SLC35F3: variants seen among roughly 807,000 people sequenced by gnomAD.
SLC35F3 encodes solute carrier family 35 member F3.
In SLC35F3, 25 loss-of-function variants were observed where a neutral mutation model predicts 49.9. That is an observed-to-expected ratio of 0.50 (90% CI 0.37 to 0.70). The LOEUF is 0.70. Ranked by LOEUF, SLC35F3 falls within the 30% of genes least tolerant of loss-of-function variation. SLC35F3 has a pLI of 0.00. For synonymous variants in SLC35F3, 275 were observed against 265.4 expected (o/e 1.04, Z -0.35); for missense variants, 525 against 639.8 (o/e 0.82, Z 1.94).
chr1:234,129,675 A>G (rs1007224533), intron 2 of SLC35F3, among the ~76,000 whole-genome samples: 1 of 152,218 alleles, frequency 6.6e-6, no homozygotes, highest in African/African-American at 2.4e-5. Flanking sequence ...AAAAATTATA[A>G]ATTTACGCTA....
chr1:234,129,905 A>C (rs12096772), intron 2 of SLC35F3, among the ~76,000 whole-genome samples: 9,379 of 152,256 alleles, frequency 0.062, 430 homozygotes, highest in African/African-American at 0.12. Flanking sequence ...ATAAACAAAA[A>C]TTAATTCTAA....
intron 2 of SLC35F3, among the ~76,000 whole-genome samples, chr1:233,940,207 C>T (rs904513991): frequency 6.6e-6 from 1 of 152,132 alleles, no homozygotes; most frequent in Non-Finnish European, 1.5e-5. Context: ...TGCACACACA[C>T]ACATATAAAA....
chr1:233,930,246 T>A (rs1455094661), intron 2 of SLC35F3, among the ~76,000 whole-genome samples: 1 of 152,044 alleles, frequency 6.6e-6, no homozygotes, highest in Admixed American at 6.6e-5. Context: ...GAACAATTGA[T>A]GAGGGAAGCT....
chr1:234,231,747 C>G lies in SLC35F3; in HGVS notation c.608+6C>G. ...TCTGTGAAGCAGCGATACAGGTAGG[C>G]GCGTCCTGCATGAGGAGGCCTCCTG... On this transcript the variant is annotated splice_donor_region_variant and intron_variant, in intron 3 of 7. Coordinates refer to ENST00000366618, the MANE Select transcript of SLC35F3 (RefSeq NM_173508.4). The surrounding 1 kb of genome is among the most constrained non-coding windows in gnomAD (Gnocchi z 5.4). 1 of 1,590,430 alleles carries G rather than the reference C, an allele frequency of 6.3e-7. No individual in the cohort carries two copies. The highest frequency in any genetic ancestry group is 8.6e-7 in the Non-Finnish European group (1 of 1,165,278).
At chr1:234,069,260 AC>A (rs1445572944) in intron 2 of SLC35F3, among the ~76,000 whole-genome samples, 2 of 98,952 alleles carry the variant, frequency 2.0e-5, no homozygotes, top group African/African-American at 8.7e-5. Flanking sequence ...TATATAAAAT[AC>A]ATTTTTTTTT....
intron 2 of SLC35F3, among the ~76,000 whole-genome samples, chr1:234,075,734 T>C (rs1664781328): frequency 6.6e-6 from 1 of 151,416 alleles, no homozygotes; most frequent in Non-Finnish European, 1.5e-5. Flanking sequence ...AAAAATAAGC[T>C]GGAAGCTGAG....
chr1:233,968,513 A>G (rs1048999097), intron 2 of SLC35F3, among the ~76,000 whole-genome samples: 4 of 151,646 alleles, frequency 2.6e-5, no homozygotes, highest in African/African-American at 9.7e-5. Context: ...TTTTTGAGAC[A>G]GTTTCACTCT....
chr1:233,950,546 C>A (rs1161106131), intron 2 of SLC35F3, among the ~76,000 whole-genome samples: 1 of 147,852 alleles, frequency 6.8e-6, no homozygotes. Context: ...TTCCCTCCTT[C>A]ACTCTTTCCT....
chr1:234,162,937 C>T (rs373036577), intron 2 of SLC35F3, among the ~76,000 whole-genome samples: 9 of 152,202 alleles, frequency 5.9e-5, no homozygotes, highest in African/African-American at 2.2e-4. Flanking sequence ...GCAGCTTCCC[C>T]TGGGTAGTAA....
chr1:234,085,970 A>G (rs1018825057), intron 2 of SLC35F3, among the ~76,000 whole-genome samples: 2 of 152,244 alleles, frequency 1.3e-5, no homozygotes, highest in African/African-American at 4.8e-5. Flanking sequence ...TATGTCAAAA[A>G]TAGTCAAATA....
intron 3 of SLC35F3, among the ~76,000 whole-genome samples, chr1:234,291,025 C>G (rs1055174975): frequency 6.6e-6 from 1 of 152,182 alleles, no homozygotes; most frequent in African/African-American, 2.4e-5. Context: ...AAAGAATAGG[C>G]TCTTCACTGG....
At chr1:234,074,089 CTT>C (rs1420540330) in intron 2 of SLC35F3, among the ~76,000 whole-genome samples, 1 of 152,176 alleles carries the variant, frequency 6.6e-6, no homozygotes, top group African/African-American at 2.4e-5. Context: ...AAACGTCCCT[CTT>C]GTCTCACGGT....
At position 234,146,481 on chromosome 1, in the gene SLC35F3, C is replaced by CTTTTTTTTTTTTTTTTTTTTTTTTT. The variant is rs869146212; in HGVS notation, c.284-84912_284-84911insTTTTTTTTTTTTTTTTTTTTTTTTT. 1.1e-4 allele frequency among the ~76,000 whole-genome samples: 8 copies of CTTTTTTTTTTTTTTTTTTTTTTTTT among 74,040 alleles called. 2 individuals are homozygous for CTTTTTTTTTTTTTTTTTTTTTTTTT. Among genetic ancestry groups the CTTTTTTTTTTTTTTTTTTTTTTTTT allele is most frequent in the East Asian group, 2.4e-3 (2 of 850 alleles). The allele number at this position is 74,040 out of a possible 152,430, so 48.6% of individuals were successfully genotyped here. A position where few individuals can be genotyped will look rare whatever the true frequency, so the allele number is the denominator to read the frequency against. On this transcript the variant is annotated intron_variant, in intron 2 of 7. Coordinates refer to ENST00000366618, the MANE Select transcript of SLC35F3 (RefSeq NM_173508.4). The stretch of plus-strand genomic sequence containing the variant: ...AATAAAAGTTACCAAGATATTTGCT[C>CTTTTTTTTTTTTTTTTTTTTTTTTT]TTTTTTTTTTTTTTTTTTTTTTTTC...
intron 2 of SLC35F3, among the ~76,000 whole-genome samples, chr1:234,068,946 T>C (rs1572039676): frequency 1.4e-5 from 1 of 70,428 alleles, no homozygotes; most frequent in Admixed American, 1.6e-4. Flanking sequence ...ATTATATAAT[T>C]TTACTACATA....
In SLC35F3 at chr1:234,231,352, G is replaced by T; in HGVS notation, c.284-65G>T. 7.7e-7 allele frequency: 1 copy of T among 1,299,944 alleles called. No homozygotes were observed. The allele number at this position is 1,299,944 out of a possible 1,614,324, so 80.5% of individuals were successfully genotyped here. A position where few individuals can be genotyped will look rare whatever the true frequency, so the allele number is the denominator to read the frequency against. ...TGGTGGTGACAATGGCTGCAGGGCA[G>T]CGCCCTGCGAAGTGCAGGGGTGAAG... On this transcript the variant is annotated intron_variant, in intron 2 of 7. Transcript: ENST00000366618. This position sits in a 1 kb window ranked among gnomAD's most constrained non-coding sequence, Gnocchi z 5.4.
intron 4 of SLC35F3, among the ~76,000 whole-genome samples, chr1:234,314,462 A>G (rs750761155): frequency 1.3e-5 from 2 of 152,200 alleles, no homozygotes; most frequent in Non-Finnish European, 2.9e-5. Context: ...CAGGTAGCTC[A>G]ATAAAAGGTA....
chr1:234,052,930 C>T (rs976610332), intron 2 of SLC35F3, among the ~76,000 whole-genome samples: 1 of 152,184 alleles, frequency 6.6e-6, no homozygotes, highest in Admixed American at 6.5e-5. Flanking sequence ...TGTTCAGTTT[C>T]CATGTAGTTG....
intron 2 of SLC35F3, among the ~76,000 whole-genome samples, chr1:233,940,581 C>T (rs529634365): frequency 6.6e-6 from 1 of 152,268 alleles, no homozygotes; most frequent in African/African-American, 2.4e-5. Context: ...GAAGCCAATC[C>T]CTTCATTTGT....
At chr1:234,166,778 C>T (rs1446117002) in intron 2 of SLC35F3, among the ~76,000 whole-genome samples, 4 of 152,160 alleles carry the variant, frequency 2.6e-5, no homozygotes, top group African/African-American at 7.2e-5. Flanking sequence ...GCAGTAAGGC[C>T]CCTTGGCTTA....
Sources: gnomAD v4.1 joint callset for allele counts (sites outside exome capture counted in the v4.1 genomes callset) on GRCh38, gnomAD v4.1.1 for gene constraint, Gnocchi (gnomAD v3.1) non-coding constraint, MANE v1.5 for transcripts, NCBI Gene and HGNC (gene_info 2026-07-23, HGNC 2026-07-21) for gene names.